The following GPC6 variants were observed in gnomAD, a reference collection of about 807,000 sequenced individuals.
GPC6 encodes the protein glypican-6.
GPC6 carries 14 observed loss-of-function variants against 55.2 expected under a neutral mutation model. The observed-to-expected ratio is 0.25, with a 90% CI of 0.17 to 0.40. The LOEUF (loss-of-function observed/expected upper bound fraction) is 0.40. GPC6 is among the 10% of genes least tolerant of loss of function. The probability of loss-of-function intolerance (pLI) is 1.00; values close to 1 mark genes in which losing one functional copy is unlikely to be tolerated. For synonymous variants in GPC6, 278 were observed against 259.6 expected (o/e 1.07, Z -0.68); for missense variants, 641 against 708.5 (o/e 0.90, Z 1.08).
chr13:94,175,928 C>A (rs2138937586), intron 4 of GPC6, among the ~76,000 whole-genome samples: 4 of 119,978 alleles, frequency 3.3e-5, no homozygotes, highest in South Asian at 2.9e-4. Flanking sequence ...AGGGAGTATC[C>A]AAATGAGCCA....
intron 3 of GPC6, among the ~76,000 whole-genome samples, chr13:93,895,689 A>G (rs1163066075): frequency 6.6e-6 from 1 of 152,040 alleles, no homozygotes; most frequent in African/African-American, 2.4e-5. Flanking sequence ...TCAGAACATG[A>G]CATGCCACTT....
chr13:93,241,980 G>C (rs1876446888), intron 1 of GPC6, among the ~76,000 whole-genome samples: 1 of 152,142 alleles, frequency 6.6e-6, no homozygotes, highest in Non-Finnish European at 1.5e-5. Context: ...CGTGCTTTTA[G>C]TAGCAATGTA....
intron 1 of GPC6, among the ~76,000 whole-genome samples, chr13:93,527,440 C>T (rs1035931680): frequency 5.3e-5 from 8 of 151,906 alleles, no homozygotes; most frequent in Non-Finnish European, 1.0e-4. Context: ...TTTGTTTCTC[C>T]CTCTTCAGAG....
In GPC6 at chr13:93,702,079, G is replaced by C. The variant is rs569084198; in HGVS notation, c.320-128075G>C. Among the ~76,000 whole-genome samples the C allele has an allele frequency of 4.2e-4, 64 of 152,168 alleles. 1 individual carries two copies. The highest frequency in any genetic ancestry group is 1.4e-3 in the African/African-American group (60 of 41,526). The stretch of plus-strand genomic sequence containing the variant: ...CAATTTACTTTGCCCAGATCCATCA[G>C]AGGAATCACTATCAATGGCAGTTAT... On this transcript the variant is annotated intron_variant, in intron 2 of 8. Coordinates refer to ENST00000377047, the MANE Select transcript of GPC6 (RefSeq NM_005708.5).
chr13:93,857,381 T>C (rs1391185034), intron 3 of GPC6, among the ~76,000 whole-genome samples: 3 of 151,546 alleles, frequency 2.0e-5, no homozygotes, highest in African/African-American at 7.3e-5. Context: ...ATAGCTCAAG[T>C]TTTGTGCAGA....
intron 1 of GPC6, among the ~76,000 whole-genome samples, chr13:93,304,959 A>G (rs1878806653): frequency 6.6e-6 from 1 of 152,138 alleles, no homozygotes; most frequent in Non-Finnish European, 1.5e-5. Context: ...CCACCTCTTT[A>G]TTCTATCCTC....
At chr13:94,186,670 T>C (rs528373500) in intron 4 of GPC6, among the ~76,000 whole-genome samples, 3 of 152,270 alleles carry the variant, frequency 2.0e-5, no homozygotes, top group African/African-American at 7.2e-5. Context: ...AAGAAAAAAA[T>C]GACGAGTTGG....
intron 4 of GPC6, among the ~76,000 whole-genome samples, chr13:94,268,524 G>C (rs1891884991): frequency 6.6e-6 from 1 of 152,116 alleles, no homozygotes; most frequent in Non-Finnish European, 1.5e-5. Context: ...AAGAGTATTA[G>C]CAAAAATAAC....
At chr13:93,497,683 A>G (rs1162667448) in intron 1 of GPC6, among the ~76,000 whole-genome samples, 1 of 152,250 alleles carries the variant, frequency 6.6e-6, no homozygotes, top group Non-Finnish European at 1.5e-5. Flanking sequence ...AGGTCTTTAA[A>G]TTATTCAAGT....
intron 5 of GPC6, among the ~76,000 whole-genome samples, chr13:94,299,337 C>T (rs1019155826): frequency 3.3e-5 from 5 of 152,172 alleles, no homozygotes; most frequent in African/African-American, 9.7e-5. Context: ...ACATTGTAAC[C>T]CCAAGGTCAC....
chr13:94,396,821 C>A (rs529643363), intron 7 of GPC6, among the ~76,000 whole-genome samples: 1 of 152,162 alleles, frequency 6.6e-6, no homozygotes, highest in Non-Finnish European at 1.5e-5. Context: ...TGATGATCCT[C>A]CAGGCAGTCT....
At position 94,114,374 on chromosome 13, in the gene GPC6, T is replaced by A. The variant is rs913609834; in HGVS notation, c.877+86480T>A. The stretch of plus-strand genomic sequence containing the variant: ...CCTTGGCTTTGAAGAATAGATCTAA[T>A]TTGGTCAGACTGGTAGGAGAAAGGC... On this transcript the variant is annotated intron_variant, in intron 4 of 8. Transcript: ENST00000377047. Among the ~76,000 whole-genome samples, 19 of 152,092 alleles carry A rather than the reference T, an allele frequency of 1.2e-4. 1 individual carries two copies. Among genetic ancestry groups the A allele is most frequent in the Non-Finnish European group, 2.2e-4 (15 of 68,000 alleles).
chr13:94,194,737 C>T (rs1349328936), intron 4 of GPC6, among the ~76,000 whole-genome samples: 2 of 151,720 alleles, frequency 1.3e-5, no homozygotes, highest in African/African-American at 4.8e-5. Context: ...GACCTGTTCC[C>T]CAAAAACTTA....
intron 4 of GPC6, among the ~76,000 whole-genome samples, chr13:94,065,903 A>G (rs1884501000): frequency 6.6e-6 from 1 of 152,232 alleles, no homozygotes; most frequent in Non-Finnish European, 1.5e-5. Context: ...TCTTCCAGAC[A>G]GCCTGAATTA....
At chr13:93,776,394 G>A (rs921973113) in intron 2 of GPC6, among the ~76,000 whole-genome samples, 4 of 151,994 alleles carry the variant, frequency 2.6e-5, no homozygotes, top group African/African-American at 9.7e-5. Context: ...AATAACTTCC[G>A]CCAAACAGAT....
intron 6 of GPC6, among the ~76,000 whole-genome samples, chr13:94,348,789 T>G (rs139701246): frequency 6.6e-6 from 1 of 152,282 alleles, no homozygotes; most frequent in Non-Finnish European, 1.5e-5. Context: ...TGATTAAATG[T>G]TTAGCCCCTT....
At chr13:93,654,059 A>G (rs1880545530) in intron 2 of GPC6, among the ~76,000 whole-genome samples, 1 of 152,000 alleles carries the variant, frequency 6.6e-6, no homozygotes, top group South Asian at 2.1e-4. Flanking sequence ...TCATATATTC[A>G]TTTTGTATGT....
At chr13:94,122,325 A>G (rs999745742) in intron 4 of GPC6, among the ~76,000 whole-genome samples, 1 of 152,104 alleles carries the variant, frequency 6.6e-6, no homozygotes, top group Non-Finnish European at 1.5e-5. Flanking sequence ...CAGGAAAATT[A>G]GATACTCAGA....
intron 1 of GPC6, among the ~76,000 whole-genome samples, chr13:93,454,770 C>G (rs1459694177): frequency 6.6e-6 from 1 of 152,252 alleles, no homozygotes; most frequent in Non-Finnish European, 1.5e-5. Flanking sequence ...GCCTGCCAGT[C>G]CCGCGCCCTG....
Sources: allele counts gnomAD v4.1 joint callset (sites outside exome capture counted in the v4.1 genomes callset), GRCh38; gene constraint gnomAD v4.1.1; transcripts MANE v1.5; gene names NCBI Gene and HGNC (gene_info 2026-07-23, HGNC 2026-07-21).